The following FOXP2 variants were observed in gnomAD, a reference collection of about 807,000 sequenced individuals.
FOXP2 encodes forkhead box P2.
Under a neutral mutation model 115.8 loss-of-function variants are expected in FOXP2, and 12 were observed. The observed-to-expected ratio is 0.10, with a 90% CI of 0.07 to 0.17. The LOEUF is 0.17. FOXP2 is among the 10% of genes least tolerant of loss of function. The pLI is 1.00. For missense variants in FOXP2, 629 were observed against 843.5 expected, an observed-to-expected ratio of 0.75 and a Z score of 3.15; for synonymous variants, 328 against 297.7, an observed-to-expected ratio of 1.10 and a Z score of -1.05.
At chr7:114,258,507 T>G (rs1795674184) in intron 1 of FOXP2, among the ~76,000 whole-genome samples, 1 of 152,114 alleles carries the variant, frequency 6.6e-6, no homozygotes. Context: ...CACCAGAACT[T>G]TATGACAGAA....
chr7:114,310,879 G>T (rs1268123241), intron 2 of FOXP2, among the ~76,000 whole-genome samples: 1 of 152,146 alleles, frequency 6.6e-6, no homozygotes, highest in East Asian at 1.9e-4. Context: ...ACTTGGAAGA[G>T]GGACAAGTGG....
chr7:114,628,521 C>G lies in FOXP2; in HGVS notation c.259-19C>G, dbSNP rs1335826110. The G allele has an allele frequency of 2.5e-6, 4 of 1,613,706 alleles. No homozygotes were observed. The highest frequency in any genetic ancestry group is 2.5e-6 in the Non-Finnish European group (3 of 1,179,954). On this transcript the variant is annotated intron_variant, in intron 3 of 16. Transcript: ENST00000350908. Reference sequence around the variant, plus strand: ...GGTTATGACCACGAATTTTCTTTCTCTTTCTCTTTCTGTGCAAGGTGCCTG... The same window carrying G: ...GGTTATGACCACGAATTTTCTTTCTGTTTCTCTTTCTGTGCAAGGTGCCTG...
chr7:114,191,348 T>A (rs1046282220), intron 1 of FOXP2, among the ~76,000 whole-genome samples: 1 of 152,162 alleles, frequency 6.6e-6, no homozygotes, highest in Non-Finnish European at 1.5e-5. Context: ...TTACAAAAAA[T>A]CCCAAGAGAG....
intron 1 of FOXP2, among the ~76,000 whole-genome samples, chr7:114,185,147 G>T (rs1348314270): frequency 1.3e-5 from 2 of 152,120 alleles, no homozygotes; most frequent in Admixed American, 1.3e-4. Context: ...AATGCTTACA[G>T]TATATATAGT....
intron 3 of FOXP2, among the ~76,000 whole-genome samples, chr7:114,602,776 A>G (rs1803096942): frequency 6.6e-6 from 1 of 152,126 alleles, no homozygotes; most frequent in African/African-American, 2.4e-5. Context: ...ATTTGCATTT[A>G]TTTTACCTAT....
intron 3 of FOXP2, among the ~76,000 whole-genome samples, chr7:114,540,400 G>A (rs1249769877): frequency 6.6e-6 from 1 of 152,012 alleles, no homozygotes. Context: ...TAAACTTGTT[G>A]AAACAATGAA....
At chr7:114,249,033 A>C (rs1795362657) in intron 1 of FOXP2, among the ~76,000 whole-genome samples, 1 of 152,186 alleles carries the variant, frequency 6.6e-6, no homozygotes, top group African/African-American at 2.4e-5. Flanking sequence ...TATAGTAATG[A>C]ACAAGAAAAA....
chr7:114,451,496 C>G (rs1795071330), intron 2 of FOXP2, among the ~76,000 whole-genome samples: 1 of 152,026 alleles, frequency 6.6e-6, no homozygotes, highest in Non-Finnish European at 1.5e-5. Context: ...GGCACACACA[C>G]TCATTAAATG....
intron 2 of FOXP2, among the ~76,000 whole-genome samples, chr7:114,329,066 A>G (rs1178505856): frequency 3.9e-5 from 6 of 152,212 alleles, no homozygotes; most frequent in Non-Finnish European, 7.3e-5. Context: ...TAAAAATCCT[A>G]CTGAACAAAG....
At chr7:114,154,605 G>A (rs1372627818) in intron 1 of FOXP2, among the ~76,000 whole-genome samples, 4 of 152,006 alleles carry the variant, frequency 2.6e-5, no homozygotes. Flanking sequence ...ACTTCAAAGT[G>A]TTATAAAAAG....
chr7:114,638,938 T>C (rs1805375509), intron 6 of FOXP2, among the ~76,000 whole-genome samples: 1 of 152,220 alleles, frequency 6.6e-6, no homozygotes, highest in African/African-American at 2.4e-5. Flanking sequence ...TTTATTCATC[T>C]AATATTTATT....
chr7:114,500,215 CA>C (rs760392447), intron 2 of FOXP2, among the ~76,000 whole-genome samples: 3,321 of 50,988 alleles, frequency 0.065, 32 homozygotes, highest in Middle Eastern at 0.17. Flanking sequence ...GACTCCATCT[CA>C]AAAAAAAAAA....
chr7:114,672,206 T>C (rs1023654116), intron 16 of FOXP2, among the ~76,000 whole-genome samples: 5 of 152,208 alleles, frequency 3.3e-5, no homozygotes, highest in African/African-American at 9.7e-5. Context: ...TAAAAAAATG[T>C]ATATTTGCAA....
At chr7:114,630,372 T>C (rs1019984534) in intron 5 of FOXP2, among the ~76,000 whole-genome samples, 1 of 152,074 alleles carries the variant, frequency 6.6e-6, no homozygotes, top group Non-Finnish European at 1.5e-5. Flanking sequence ...ATTTGGCCTA[T>C]TGTTGGGGAT....
At chr7:114,174,463 G>A (rs1382771478) in intron 1 of FOXP2, among the ~76,000 whole-genome samples, 1 of 151,990 alleles carries the variant, frequency 6.6e-6, no homozygotes, top group African/African-American at 2.4e-5. Flanking sequence ...CTTAAAAGGG[G>A]ATCTGATAGA....
intron 2 of FOXP2, among the ~76,000 whole-genome samples, chr7:114,520,461 G>A (rs887916863): frequency 1.3e-5 from 2 of 152,102 alleles, no homozygotes; most frequent in African/African-American, 4.8e-5. Context: ...CTCAGACAGA[G>A]TAGGGAACAT....
intron 3 of FOXP2, among the ~76,000 whole-genome samples, chr7:114,548,255 TCAAA>T (rs1424934871): frequency 6.6e-6 from 1 of 152,222 alleles, no homozygotes; most frequent in African/African-American, 2.4e-5. Flanking sequence ...CTCAGAAGCC[TCAAA>T]CAGTGACTTC....
At chr7:114,664,813 G>A in intron 16 of FOXP2, 2 of 268,264 alleles carry the variant, frequency 7.5e-6, no homozygotes, top group Non-Finnish European at 1.5e-5. Flanking sequence ...TACTGTTACA[G>A]GTCTCTAAAC....
At chr7:114,621,918 T>A (rs570500248) in intron 3 of FOXP2, among the ~76,000 whole-genome samples, 35 of 152,162 alleles carry the variant, frequency 2.3e-4, no homozygotes, top group Middle Eastern at 3.4e-3. Flanking sequence ...GAAAAATATT[T>A]AAATATTTAA....
Sources: gnomAD v4.1 joint callset for allele counts (sites outside exome capture counted in the v4.1 genomes callset) on GRCh38, gnomAD v4.1.1 for gene constraint, MANE v1.5 for transcripts, NCBI Gene and HGNC (gene_info 2026-07-23, HGNC 2026-07-21) for gene names.